CHN2: variants seen among roughly 807,000 people sequenced by gnomAD.
CHN2 encodes the protein beta-chimaerin.
Under a neutral mutation model 56.3 loss-of-function variants are expected in CHN2, and 35 were observed. That is an observed-to-expected ratio of 0.62 (90% CI 0.47 to 0.82). The LOEUF (loss-of-function observed/expected upper bound fraction) is 0.82. Ranked by LOEUF, CHN2 falls within the 40% of genes least tolerant of loss-of-function variation. The pLI is 0.00. For missense variants in CHN2, 491 were observed against 580.5 expected (o/e 0.85, Z 1.58); for synonymous variants, 210 against 212.8 (o/e 0.99, Z 0.12).
rs568237708 is a variant in CHN2, at chr7:29,499,834, T to C, written c.740-33T>C. ...TTGTGTTGTGCTTTGACAAAAGGGCTGGGCTAGGCTAATGTGGCTTCTTTG... is the reference window on the plus strand; with the variant it reads ...TTGTGTTGTGCTTTGACAAAAGGGCCGGGCTAGGCTAATGTGGCTTCTTTG... On this transcript the variant is annotated intron_variant, in intron 8 of 12. Coordinates refer to ENST00000222792, the MANE Select transcript of CHN2 (RefSeq NM_004067.4). The C allele has an allele frequency of 4.8e-5, 73 of 1,516,914 alleles. No individual in the cohort carries two copies. In the Admixed American group the frequency reaches 7.0e-4, roughly 15 times the overall value. The allele number at this position is 1,516,914 out of a possible 1,614,324, so 94.0% of individuals were successfully genotyped here.
At chr7:29,236,017 T>C (rs1584819838) in intron 1 of CHN2, among the ~76,000 whole-genome samples, 1 of 152,204 alleles carries the variant, frequency 6.6e-6, no homozygotes, top group African/African-American at 2.4e-5. Flanking sequence ...AACCTGTGCA[T>C]GTATCCCCTG....
At chr7:29,300,955 A>G (rs958198464) in intron 1 of CHN2, among the ~76,000 whole-genome samples, 6 of 152,240 alleles carry the variant, frequency 3.9e-5, no homozygotes, top group African/African-American at 1.2e-4. Context: ...TGAAATAACC[A>G]TAAGATGAAA....
At chr7:29,342,047 C>G (rs1312429896) in intron 1 of CHN2, among the ~76,000 whole-genome samples, 3 of 152,214 alleles carry the variant, frequency 2.0e-5, no homozygotes, top group Non-Finnish European at 4.4e-5. Flanking sequence ...TTCTTACAAT[C>G]ACTTGTTTGA....
chr7:29,473,839 A>AG (rs1457944171), intron 6 of CHN2, among the ~76,000 whole-genome samples: 4 of 152,122 alleles, frequency 2.6e-5, no homozygotes, highest in African/African-American at 7.2e-5. Flanking sequence ...TAAAAGGTGG[A>AG]GGAGGGATTA....
At chr7:29,230,071 A>G (rs1584801802) in intron 1 of CHN2, among the ~76,000 whole-genome samples, 1 of 152,312 alleles carries the variant, frequency 6.6e-6, no homozygotes, top group East Asian at 1.9e-4. Flanking sequence ...CCACTACCCT[A>G]GCAGAGATGA....
At chr7:29,447,707 A>G (rs1784127401) in intron 6 of CHN2, among the ~76,000 whole-genome samples, 1 of 152,164 alleles carries the variant, frequency 6.6e-6, no homozygotes, top group African/African-American at 2.4e-5. Context: ...TGAGAGGGAT[A>G]TGTTAATTTT....
chr7:29,398,265 G>A, intron 4 of CHN2, 108 bp from the exon 5 acceptor site: 5 of 790,650 alleles, frequency 6.3e-6, no homozygotes, highest in South Asian at 1.5e-5. Context: ...TCACTCAGTT[G>A]TGGGGCTGTC....
chr7:29,436,400 A>G (rs1303326268), intron 6 of CHN2, among the ~76,000 whole-genome samples: 3 of 152,174 alleles, frequency 2.0e-5, no homozygotes, highest in South Asian at 2.1e-4. Context: ...TTATGCTTGA[A>G]TATTGATTAT....
At chr7:29,220,992 C>T (rs1179007989) in intron 1 of CHN2, among the ~76,000 whole-genome samples, 2 of 152,050 alleles carry the variant, frequency 1.3e-5, no homozygotes, top group South Asian at 2.1e-4. Flanking sequence ...ATCAAAGCCT[C>T]GTTAAAAGAA....
intron 6 of CHN2, among the ~76,000 whole-genome samples, chr7:29,418,187 C>T (rs1803970672): frequency 1.3e-5 from 2 of 152,244 alleles, no homozygotes; most frequent in Non-Finnish European, 2.9e-5. Flanking sequence ...TTCTCACGTT[C>T]GTATGTTTCA....
chr7:29,435,209 A>G (rs1783132859), intron 6 of CHN2, among the ~76,000 whole-genome samples: 1 of 152,234 alleles, frequency 6.6e-6, no homozygotes, highest in Admixed American at 6.5e-5. Flanking sequence ...TTAAGAGCCA[A>G]ATGAGAGAAA....
At chr7:29,449,071 A>C (rs1585428427) in intron 6 of CHN2, among the ~76,000 whole-genome samples, 1 of 152,370 alleles carries the variant, frequency 6.6e-6, no homozygotes, top group East Asian at 1.9e-4. Flanking sequence ...TAGGAGCTTC[A>C]TACTGCAAGA....
intron 1 of CHN2, among the ~76,000 whole-genome samples, chr7:29,272,825 T>A (rs1790774108): frequency 6.6e-6 from 1 of 152,218 alleles, no homozygotes; most frequent in Admixed American, 6.5e-5. Flanking sequence ...ATTTGAGGTT[T>A]ACAACATGAT....
At chr7:29,355,848 A>G (rs775358766) in intron 2 of CHN2, among the ~76,000 whole-genome samples, 1 of 136,642 alleles carries the variant, frequency 7.3e-6, no homozygotes, top group African/African-American at 2.8e-5. Flanking sequence ...CAGTGGCTCA[A>G]TCTCAGCTCA....
chr7:29,171,904 G>A (rs73090853), intron 2 of CHN2, among the ~76,000 whole-genome samples: 1 of 152,260 alleles, frequency 6.6e-6, no homozygotes, highest in Non-Finnish European at 1.5e-5. Flanking sequence ...TTGGAGGGAA[G>A]CCCCCAATTC....
intron 1 of CHN2, among the ~76,000 whole-genome samples, chr7:29,205,087 A>G (rs544895971): frequency 8.5e-5 from 13 of 152,350 alleles, no homozygotes; most frequent in African/African-American, 2.4e-4. Flanking sequence ...CCCTGCAGAC[A>G]TCTTACTTTT....
At chr7:29,271,117 G>A (rs1223543052) in intron 1 of CHN2, among the ~76,000 whole-genome samples, 1 of 152,154 alleles carries the variant, frequency 6.6e-6, no homozygotes, top group Admixed American at 6.5e-5. Flanking sequence ...GGTGGAAGAA[G>A]TGAGAGGAAG....
intron 1 of CHN2, among the ~76,000 whole-genome samples, chr7:29,252,581 T>TTTTTTTTTTTTTTTG (rs1562866420): frequency 6.1e-5 from 1 of 16,436 alleles, no homozygotes; most frequent in Admixed American, 9.5e-4. Flanking sequence ...ATTCTTTGTT[T>TTTTTTTTTTTTTTTG]TTTTTTTTTT....
At chr7:29,433,360 T>C (rs1782984460) in intron 6 of CHN2, among the ~76,000 whole-genome samples, 1 of 152,136 alleles carries the variant, frequency 6.6e-6, no homozygotes, top group Non-Finnish European at 1.5e-5. Context: ...TGAAGGGAGT[T>C]GGCAAGAGCC....
Sources: gnomAD v4.1 joint callset for allele counts (sites outside exome capture counted in the v4.1 genomes callset) on GRCh38, gnomAD v4.1.1 for gene constraint, MANE v1.5 for transcripts, NCBI Gene and HGNC (gene_info 2026-07-23, HGNC 2026-07-21) for gene names.